UNC79: variants seen among roughly 807,000 people sequenced by gnomAD.
UNC79 encodes unc-79 subunit of NALCN channel complex.
In UNC79, 37 loss-of-function variants were observed where a neutral mutation model predicts 283.1. That is an observed-to-expected ratio of 0.13 (90% CI 0.10 to 0.17). The LOEUF (loss-of-function observed/expected upper bound fraction) is 0.17. Among genes scored for constraint, UNC79 ranks in the 10% least tolerant of loss-of-function variants. The probability of loss-of-function intolerance (pLI) is 1.00; values close to 1 mark genes in which losing one functional copy is unlikely to be tolerated. For synonymous variants in UNC79, 1,107 were observed against 1,200.2 expected, an observed-to-expected ratio of 0.92 and a Z score of 1.61; for missense variants, 2,272 against 3,211.1, an observed-to-expected ratio of 0.71 and a Z score of 7.07.
intron 38 of UNC79, among the ~76,000 whole-genome samples, chr14:93,658,567 G>A (rs2071201344): frequency 6.6e-6 from 1 of 152,102 alleles, no homozygotes. Context: ...AATTTAAAAA[G>A]TACATTTTGA....
At chr14:93,538,629 T>C (rs2061204376) in intron 12 of UNC79, among the ~76,000 whole-genome samples, 1 of 151,924 alleles carries the variant, frequency 6.6e-6, no homozygotes. Context: ...GACAGCAGCA[T>C]TAACCAGTCA....
At chr14:93,437,577 C>T (rs1020021533) in intron 1 of UNC79, 3 of 152,158 alleles carry the variant, frequency 2.0e-5, no homozygotes, top group Non-Finnish European at 4.4e-5. Flanking sequence ...TGAATTAGCA[C>T]AGACTAGGTG....
At chr14:93,406,547 C>G (rs67282550) in intron 1 of UNC79, among the ~76,000 whole-genome samples, 2 of 152,066 alleles carry the variant, frequency 1.3e-5, no homozygotes, top group African/African-American at 4.8e-5. Flanking sequence ...ATAATCATGC[C>G]TTGGCACTCC....
At chr14:93,622,605 C>T in exon 30 of UNC79, 1 of 1,614,102 alleles carries the variant, frequency 6.2e-7, no homozygotes, top group Non-Finnish European at 8.5e-7. Context: ...CTCAAAGTTC[C>T]CGAAGATGCA....
chr14:93,506,077 C>CCTAT (rs2059523211), intron 7 of UNC79, among the ~76,000 whole-genome samples: 1 of 151,912 alleles, frequency 6.6e-6, no homozygotes, highest in South Asian at 2.1e-4. Context: ...TCTCTAAGCT[C>CCTAT]CTATCTGGGA....
At chr14:93,448,045 CTT>C (rs2056517271) in intron 1 of UNC79, among the ~76,000 whole-genome samples, 2 of 152,034 alleles carry the variant, frequency 1.3e-5, no homozygotes, top group Admixed American at 6.6e-5. Flanking sequence ...TCTGAGGACT[CTT>C]TGGCCATTAT....
intron 1 of UNC79, among the ~76,000 whole-genome samples, chr14:93,440,232 G>T (rs1296755583): frequency 2.0e-5 from 3 of 148,050 alleles, no homozygotes; most frequent in Non-Finnish European, 4.5e-5. Flanking sequence ...GGTACCTGCA[G>T]AAGGTTAGGG....
chr14:93,561,654 A>G (rs529787709), intron 14 of UNC79, among the ~76,000 whole-genome samples: 1 of 152,298 alleles, frequency 6.6e-6, no homozygotes, highest in East Asian at 1.9e-4. Flanking sequence ...AAGAATGGGA[A>G]TGAGAATAAG....
At chr14:93,333,334 G>A in exon 1 of UNC79, 1 of 398,284 alleles carries the variant, frequency 2.5e-6, no homozygotes, top group South Asian at 1.3e-4. Context: ...CAGAATATAA[G>A]AACTGTGTCA....
intron 16 of UNC79, 98 bp downstream of exon 16, chr14:93,572,914 C>T (rs139000021): frequency 2.6e-5 from 39 of 1,476,312 alleles, no homozygotes; most frequent in Middle Eastern, 4.6e-4. Context: ...GCAAAGACTT[C>T]GTAAGTCCCC....
intron 1 of UNC79, among the ~76,000 whole-genome samples, chr14:93,401,439 C>A (rs2055106016): frequency 6.6e-6 from 1 of 152,046 alleles, no homozygotes; most frequent in South Asian, 2.1e-4. Flanking sequence ...TCAATTTGTA[C>A]CAGAAACTGA....
At chr14:93,668,978 TA>T (rs543609091) in intron 40 of UNC79, among the ~76,000 whole-genome samples, 2,122 of 79,854 alleles carry the variant, frequency 0.027, 35 homozygotes, top group African/African-American at 0.062. Context: ...GAACATTGTC[TA>T]AAAAAAAAAA....
chr14:93,474,090 A>G lies in UNC79; in HGVS notation c.145A>G (p.Ile49Val). ...TTTTTTTCTTTGTCCCCCCAACAGC[A>G]TTTTGTCCCGCACAGGGAAGAAGGA... is the stretch of plus-strand genomic sequence containing the variant. Residue 49 changes from isoleucine (I) to valine (V), a missense_variant and splice_region_variant, in exon 3 of 49, where the codon ATT (isoleucine) becomes GTT (valine). By Grantham distance (29) the Ile-to-Val change is conservative. This residue lies in a region of UNC79 where 194 missense variants were observed against 268.9 expected (regional missense o/e 0.72). Coordinates refer to ENST00000555664, the Ensembl canonical transcript of UNC79. This position sits in a 1 kb window ranked among gnomAD's most constrained non-coding sequence, Gnocchi z 4.1. The G allele has an allele frequency of 6.5e-7, 1 of 1,529,188 alleles. No individual in the cohort carries two copies. Among genetic ancestry groups the G allele is most frequent in the South Asian group, 1.2e-5 (1 of 83,812 alleles). The allele number at this position is 1,529,188 out of a possible 1,614,324, so 94.7% of individuals were successfully genotyped here. A position where few individuals can be genotyped will look rare whatever the true frequency, so the allele number is the denominator to read the frequency against.
chr14:93,376,739 T>C (rs149715441), intron 1 of UNC79, among the ~76,000 whole-genome samples: 14 of 152,188 alleles, frequency 9.2e-5, no homozygotes, highest in Non-Finnish European at 1.5e-4. Flanking sequence ...ATTCGGTTTT[T>C]GTGATTGGCT....
intron 1 of UNC79, among the ~76,000 whole-genome samples, chr14:93,448,788 G>A (rs2056544039): frequency 6.6e-6 from 1 of 152,202 alleles, no homozygotes; most frequent in African/African-American, 2.4e-5. Context: ...GCACTTGTGT[G>A]GTTCAGGGGT....
chr14:93,501,221 G>T (rs917175272), intron 7 of UNC79, among the ~76,000 whole-genome samples: 1 of 152,060 alleles, frequency 6.6e-6, no homozygotes, highest in Non-Finnish European at 1.5e-5. Context: ...GCTACTGGGG[G>T]GTTGAGGCAG....
chr14:93,671,302 T>C (rs2072824506), intron 40 of UNC79, among the ~76,000 whole-genome samples: 1 of 151,838 alleles, frequency 6.6e-6, no homozygotes, highest in South Asian at 2.1e-4. Flanking sequence ...AAATAATAAA[T>C]ACCAGATTCA....
chr14:93,653,812 C>T (rs1452489863), exon 36 of UNC79: 2 of 1,614,034 alleles, frequency 1.2e-6, no homozygotes, highest in African/African-American at 1.3e-5. Flanking sequence ...TCAGTTGGCC[C>T]CCAACGGCAT....
intron 22 of UNC79, 124 bp downstream of exon 22, chr14:93,587,032 C>T: frequency 1.8e-6 from 2 of 1,103,686 alleles, no homozygotes; most frequent in South Asian, 2.0e-5. Context: ...GCTCGATTGC[C>T]TATGATAACT....
Sources: gnomAD v4.1 joint callset for allele counts (sites outside exome capture counted in the v4.1 genomes callset) on GRCh38, gnomAD v4.1.1 for gene constraint, gnomAD v4.1.1 regional missense constraint, Gnocchi (gnomAD v3.1) non-coding constraint, MANE v1.5 for transcripts, NCBI Gene and HGNC (gene_info 2026-07-23, HGNC 2026-07-21) for gene names.